Variants in SASH1 observed in about 807,000 individuals in gnomAD.
SASH1 encodes SAM and SH3 domain-containing protein 1.
Under a neutral mutation model 125.2 loss-of-function variants are expected in SASH1, and 44 were observed. That is an observed-to-expected ratio of 0.35 (90% CI 0.28 to 0.45). The LOEUF is 0.45. SASH1 is among the 20% of genes least tolerant of loss of function. The pLI is 1.00. For missense variants in SASH1, 1,426 were observed against 1,614.5 expected (o/e 0.88, Z 2.00); for synonymous variants, 639 against 649.1 (o/e 0.98, Z 0.24).
At chr6:148,256,729 A>T in the SASH1 span, among the ~76,000 whole-genome samples, 1 of 152,310 alleles carries the variant, frequency 6.6e-6, no homozygotes, top group Admixed American at 6.5e-5. Flanking sequence ...GAATGGTTAG[A>T]GTGATTCTAT....
intron 1 of SASH1, among the ~76,000 whole-genome samples, chr6:148,326,726 CTG>C: frequency 6.6e-6 from 1 of 152,032 alleles, no homozygotes; most frequent in East Asian, 1.9e-4. Flanking sequence ...ATCACAGTAA[CTG>C]TTAAAACATA....
At chr6:148,282,886 G>C (rs6570835) in intron 1 of SASH1, among the ~76,000 whole-genome samples, 38,296 of 151,842 alleles carry the variant, frequency 0.25, 5,121 homozygotes, top group African/African-American at 0.34. Context: ...TCATTTCTCC[G>C]TGTCATCAGA....
In SASH1 at chr6:148,440,195, T is replaced by C; in HGVS notation, c.297T>C (p.Asp99=). The change falls in exon 3 of 20, where the codon GAT becomes GAC. Residue 99 remains aspartate (D), a synonymous_variant. Transcript: ENST00000367467. ...CTGTTCTGTTTTAGGAGAAACCCGATGCTAGCCCCACGTCACTTCAGCTGC... is the reference window on the plus strand; with the variant it reads ...CTGTTCTGTTTTAGGAGAAACCCGACGCTAGCCCCACGTCACTTCAGCTGC... ...VSQDLEVEKP[D]ASPTSLQLRS... 6.2e-7 allele frequency: 1 copy of C among 1,614,126 alleles called. No homozygotes were observed. The highest frequency in any genetic ancestry group is 8.5e-7 in the Non-Finnish European group (1 of 1,180,012).
At chr6:148,379,970 T>A (rs1454977714) in intron 1 of SASH1, 1 of 456,402 alleles carries the variant, frequency 2.2e-6, no homozygotes, top group Non-Finnish European at 4.4e-6. Flanking sequence ...ATTTGTGAGA[T>A]GCGGAACGTA....
At chr6:148,342,480 T>C (rs1293293946), upstream of SASH1, 1 of 152,212 alleles carries the variant, frequency 6.6e-6, no homozygotes, top group Non-Finnish European at 1.5e-5. Context: ...AGGCGATTTG[T>C]TCTCCTGTCC....
intron 1 of SASH1, among the ~76,000 whole-genome samples, chr6:148,306,211 C>T (rs1007684563): frequency 2.6e-5 from 4 of 152,314 alleles, no homozygotes; most frequent in African/African-American, 7.2e-5. Flanking sequence ...CTACCTACTT[C>T]TTTCTCTTTC....
intron 8 of SASH1, chr6:148,512,953 G>C (rs950279894): frequency 1.0e-6 from 1 of 985,228 alleles, no homozygotes; most frequent in African/African-American, 1.7e-5. Context: ...TGAGTTCCAG[G>C]GTGAGGACAG....
At chr6:148,474,446 T>C (rs1778253459) in intron 7 of SASH1, among the ~76,000 whole-genome samples, 1 of 152,180 alleles carries the variant, frequency 6.6e-6, no homozygotes, top group Admixed American at 6.5e-5. Flanking sequence ...GTGGACCACA[T>C]TAATGAGGAA....
chr6:148,278,905 A>G (rs1779260186), intron 1 of SASH1: 1 of 152,218 alleles, frequency 6.6e-6, no homozygotes, highest in African/African-American at 2.4e-5. Context: ...CCAAGAAAAT[A>G]TAGAACACTA....
rs373662786 is a variant in SASH1, at chr6:148,302,536, T to G, written n.74+30159T>G. On this transcript the variant is annotated intron_variant and non_coding_transcript_variant, in intron 1 of 3. Coordinates refer to the SASH1 transcript ENST00000367469. ...AATCTCTGCTGTTTTTGTTACTTCA[T>G]GCTGCTTTATTCTCAAACGTATATA... is the stretch of plus-strand genomic sequence containing the variant. Among the ~76,000 whole-genome samples, 59 of 151,450 alleles carry G rather than the reference T, an allele frequency of 3.9e-4. 1 individual carries two copies. In the South Asian group the frequency reaches 0.011, roughly 27 times the overall value.
At chr6:148,386,187 G>A (rs1433154944) in intron 1 of SASH1, among the ~76,000 whole-genome samples, 1 of 152,186 alleles carries the variant, frequency 6.6e-6, no homozygotes, top group African/African-American at 2.4e-5. Context: ...ACCATGTCTG[G>A]TGTCAGAAGT....
chr6:148,382,341 G>A (rs1436227951), intron 1 of SASH1, among the ~76,000 whole-genome samples: 2 of 152,176 alleles, frequency 1.3e-5, no homozygotes, highest in Non-Finnish European at 2.9e-5. Flanking sequence ...CCAGGCTGGA[G>A]TGCGATGGTG....
chr6:148,204,270 C>G, the SASH1 span, among the ~76,000 whole-genome samples: 11 of 152,220 alleles, frequency 7.2e-5, no homozygotes, highest in Non-Finnish European at 1.5e-4. Flanking sequence ...GTGCTGGATG[C>G]TACTGTATAG....
chr6:148,241,642 G>T, the SASH1 span, among the ~76,000 whole-genome samples: 1 of 152,196 alleles, frequency 6.6e-6, no homozygotes, highest in Admixed American at 6.5e-5. Context: ...GAAGCGAGCT[G>T]CAATATCATA....
the SASH1 span, among the ~76,000 whole-genome samples, chr6:148,231,059 G>A: frequency 2.0e-5 from 3 of 152,130 alleles, no homozygotes; most frequent in Non-Finnish European, 4.4e-5. Context: ...CCTAACCTAA[G>A]ATCATGAAGG....
At chr6:148,441,767 T>G (rs1440442514) in intron 4 of SASH1, among the ~76,000 whole-genome samples, 1 of 152,188 alleles carries the variant, frequency 6.6e-6, no homozygotes, top group African/African-American at 2.4e-5. Context: ...TGTACTAACC[T>G]TAGTTAGGCT....
chr6:148,534,658 G>A, intron 15 of SASH1, 93 bp from the exon 16 acceptor site: 3 of 1,212,710 alleles, frequency 2.5e-6, no homozygotes, highest in South Asian at 1.3e-5. Context: ...GGTGACTATG[G>A]GAACAGTGTG....
the SASH1 span, among the ~76,000 whole-genome samples, chr6:148,257,912 G>T: frequency 4.6e-5 from 7 of 152,104 alleles, 1 homozygote; most frequent in Admixed American, 2.0e-4. Flanking sequence ...TACAGGCTGA[G>T]CCACCACACC....
intron 8 of SASH1, among the ~76,000 whole-genome samples, chr6:148,490,542 G>C (rs1779066337): frequency 6.6e-6 from 1 of 152,194 alleles, no homozygotes; most frequent in African/African-American, 2.4e-5. Context: ...TCTTCACAAT[G>C]TGTGGAGCAG....
Sources: gnomAD v4.1 joint callset for allele counts (sites outside exome capture counted in the v4.1 genomes callset) on GRCh38, gnomAD v4.1.1 for gene constraint, MANE v1.5 for transcripts, NCBI Gene and HGNC (gene_info 2026-07-23, HGNC 2026-07-21) for gene names.